The following NEDD4 variants were observed in gnomAD, a reference collection of about 807,000 sequenced individuals.
The protein encoded by NEDD4 is E3 ubiquitin-protein ligase NEDD4.
Under a neutral mutation model 144.9 loss-of-function variants are expected in NEDD4, and 99 were observed. The observed-to-expected ratio is 0.68, with a 90% CI of 0.58 to 0.81. The LOEUF is 0.81. Among genes scored for constraint, NEDD4 ranks in the 30% least tolerant of loss-of-function variants. The probability of loss-of-function intolerance (pLI) is 0.00; values close to 1 mark genes in which losing one functional copy is unlikely to be tolerated. For synonymous variants in NEDD4, 318 were observed against 350.6 expected, an observed-to-expected ratio of 0.91 and a Z score of 1.04; for missense variants, 985 against 1,065.9, an observed-to-expected ratio of 0.92 and a Z score of 1.06.
rs117452990 is a variant in NEDD4 at position 55,912,070 on chromosome 15, A to C, written c.291+12576T>G. Among the ~76,000 whole-genome samples, 804 of 152,348 alleles carry C rather than the reference A, an allele frequency of 5.3e-3. 4 individuals carry two copies. Among genetic ancestry groups the C allele is most frequent in the Non-Finnish European group, 8.0e-3 (544 of 68,030 alleles). ...AATTCCTCAGTTCTAAGAAATATAC[A>C]TGTACAAATATACATTTTTCACCAA... On this transcript the variant is annotated intron_variant, in intron 5 of 28. Coordinates refer to ENST00000435532, the MANE Select transcript of NEDD4 (RefSeq NM_006154.4).
chr15:55,873,914 A>T (rs1595780247), intron 6 of NEDD4, 44 bp downstream of exon 6: 6 of 1,128,168 alleles, frequency 5.3e-6, no homozygotes, highest in Non-Finnish European at 5.0e-6. Context: ...TTATTAAATT[A>T]AAAAAATAAG....
chr15:55,913,314 A>G lies in NEDD4; in HGVS notation c.291+11332T>C, dbSNP rs150447707. 2.9e-3 allele frequency among the ~76,000 whole-genome samples: 440 copies of G among 152,252 alleles called. 1 individual carries two copies. Among genetic ancestry groups the G allele is most frequent in the African/African-American group, 0.01 (421 of 41,596 alleles). On this transcript the variant is annotated intron_variant, in intron 5 of 28. Transcript: ENST00000435532. ...TATAAGTGAGTTACAATATACCACT[A>G]TAATTAGATTAATATATAATTATTG...
intron 5 of NEDD4, among the ~76,000 whole-genome samples, chr15:55,922,403 C>T (rs1469869135): frequency 2.0e-5 from 3 of 152,134 alleles, no homozygotes; most frequent in Non-Finnish European, 1.5e-5. Flanking sequence ...GCTCTTGTCA[C>T]CTAGGCTGAA....
At chr15:55,866,856 G>C (rs1014116390) in intron 8 of NEDD4, among the ~76,000 whole-genome samples, 1 of 152,112 alleles carries the variant, frequency 6.6e-6, no homozygotes, top group Admixed American at 6.5e-5. Context: ...TTGGATAGAA[G>C]GCCTTCCTAT....
At chr15:55,964,288 C>CTGT (rs77913535) in intron 2 of NEDD4, among the ~76,000 whole-genome samples, 9,473 of 151,820 alleles carry the variant, frequency 0.062, 396 homozygotes, top group Admixed American at 0.11. Context: ...CCTCAAGGCT[C>CTGT]TGTTGTTGTT....
At chr15:55,852,315 AG>A in intron 13 of NEDD4, 108 bp downstream of exon 13, 1 of 1,196,140 alleles carries the variant, frequency 8.4e-7, no homozygotes. Flanking sequence ...AAAAAAAAAA[AG>A]AAGGTGGTAG....
At chr15:55,849,439 A>G (rs1295280634) in intron 14 of NEDD4, among the ~76,000 whole-genome samples, 1 of 151,942 alleles carries the variant, frequency 6.6e-6, no homozygotes, top group African/African-American at 2.4e-5. Flanking sequence ...TGGCCAGGCT[A>G]GTCTCGAACT....
Position 55,883,696 on chromosome 15 carries a change from AACACACACAC to A in NEDD4, c.292-9698_292-9689del, listed in dbSNP as rs3049242. ...GCATCTCAACACACACACACACACAAACACACACACACACACACACACACACACACAGAAA... is the reference window on the plus strand; with the variant it reads ...GCATCTCAACACACACACACACACAAACACACACACACACACACACAGAAA... On this transcript the variant is annotated intron_variant, in intron 5 of 28. Coordinates refer to ENST00000435532, the MANE Select transcript of NEDD4 (RefSeq NM_006154.4). Among the ~76,000 whole-genome samples the A allele has an allele frequency of 7.8e-3, 877 of 112,240 alleles. 6 individuals are homozygous for A. The highest frequency in any genetic ancestry group is 0.027 in the African/African-American group (837 of 31,162). The allele number at this position is 112,240 out of a possible 152,430, so 73.6% of individuals were successfully genotyped here.
intron 4 of NEDD4, among the ~76,000 whole-genome samples, chr15:55,926,018 T>C (rs1167992091): frequency 2.0e-5 from 3 of 151,918 alleles, no homozygotes; most frequent in Admixed American, 2.0e-4. Flanking sequence ...GTATGTAAAA[T>C]ACATATACGT....
intron 1 of NEDD4, among the ~76,000 whole-genome samples, chr15:55,966,973 T>G (rs1338912009): frequency 6.6e-6 from 1 of 152,164 alleles, no homozygotes; most frequent in East Asian, 1.9e-4. Context: ...CTGTAACCTC[T>G]GCCTCCCGGT....
intron 5 of NEDD4, among the ~76,000 whole-genome samples, chr15:55,907,131 T>G (rs2036129283): frequency 6.6e-6 from 1 of 151,416 alleles, no homozygotes; most frequent in African/African-American, 2.4e-5. Context: ...TAAACAAAAT[T>G]TTAAAATTAA....
chr15:55,896,287 T>C (rs1407371337), intron 5 of NEDD4, among the ~76,000 whole-genome samples: 1 of 152,194 alleles, frequency 6.6e-6, no homozygotes, highest in Non-Finnish European at 1.5e-5. Flanking sequence ...GTTCATGCAA[T>C]TCTCCTGCCT....
chr15:55,918,482 C>T (rs2036506878), intron 5 of NEDD4, among the ~76,000 whole-genome samples: 1 of 151,744 alleles, frequency 6.6e-6, no homozygotes, highest in Non-Finnish European at 1.5e-5. Flanking sequence ...TAAAATAGTT[C>T]CGTTGTTTAT....
At chr15:55,903,733 G>A (rs1488034808) in intron 5 of NEDD4, among the ~76,000 whole-genome samples, 1 of 151,044 alleles carries the variant, frequency 6.6e-6, no homozygotes, top group Non-Finnish European at 1.5e-5. Flanking sequence ...GCTGAGGCAG[G>A]AGAATGGCGT....
chr15:55,993,342 G>A (rs996297296), intron 1 of NEDD4, among the ~76,000 whole-genome samples, 169 bp downstream of exon 1: 103 of 152,224 alleles, frequency 6.8e-4, no homozygotes, highest in Non-Finnish European at 8.8e-5. Flanking sequence ...CCCGCGCGCC[G>A]AGCCGCCCCC....
At chr15:55,835,888 T>C (rs1189650764) in intron 24 of NEDD4, among the ~76,000 whole-genome samples, 2 of 152,202 alleles carry the variant, frequency 1.3e-5, no homozygotes, top group East Asian at 1.9e-4. Context: ...TATTGGTTAA[T>C]AGCCTTTAAT....
At chr15:55,876,678 GAAAT>G (rs2035005915) in intron 5 of NEDD4, among the ~76,000 whole-genome samples, 1 of 151,884 alleles carries the variant, frequency 6.6e-6, no homozygotes. Flanking sequence ...GAGAGGAACA[GAAAT>G]AAACTGCACA....
At chr15:55,949,840 T>G (rs1348289674) in intron 4 of NEDD4, among the ~76,000 whole-genome samples, 14 of 152,120 alleles carry the variant, frequency 9.2e-5, no homozygotes, top group Admixed American at 2.6e-4. Context: ...TTAGGAGATA[T>G]ACCTAATGTA....
chr15:55,941,806 C>T (rs2037010223), intron 4 of NEDD4, among the ~76,000 whole-genome samples: 1 of 152,118 alleles, frequency 6.6e-6, no homozygotes, highest in Non-Finnish European at 1.5e-5. Context: ...TTCCTGACCT[C>T]AAGTGATATG....
Sources: gnomAD v4.1 joint callset for allele counts (sites outside exome capture counted in the v4.1 genomes callset) on GRCh38, gnomAD v4.1.1 for gene constraint, MANE v1.5 for transcripts, NCBI Gene and HGNC (gene_info 2026-07-23, HGNC 2026-07-21) for gene names.